DNAH7: variants seen among roughly 807,000 people sequenced by gnomAD.
DNAH7 encodes dynein axonemal heavy chain 7, also known as axonemal beta dynein heavy chain 7.
Under a neutral mutation model 444.6 loss-of-function variants are expected in DNAH7, and 397 were observed. The observed-to-expected ratio is 0.89, with a 90% CI of 0.82 to 0.97. DNAH7 has a LOEUF of 0.97. DNAH7 is among the 50% of genes least tolerant of loss of function. DNAH7 has a pLI of 0.00. For synonymous variants in DNAH7, 1,636 were observed against 1,624.4 expected, an observed-to-expected ratio of 1.01 and a Z score of -0.17; for missense variants, 4,902 against 4,800.8, an observed-to-expected ratio of 1.02 and a Z score of -0.62.
chr2:195,888,313 C>A lies in DNAH7; in HGVS notation c.5351G>T (p.Gly1784Val). Reference sequence around the variant, plus strand: ...AACAGGGACCATTCTGTCAAATAAGCCCATTATGAATTCCTTTTGAATAAC... The same window carrying A: ...AACAGGGACCATTCTGTCAAATAAGACCATTATGAATTCCTTTTGAATAAC... The part of the protein sequence containing the change: ...VSVIQKEFIM[G>V]LFDRMVPVSV... Residue 1784 changes from glycine (G) to valine (V), a missense_variant, in exon 33 of 65, where the codon GGC becomes GTC. Coordinates refer to ENST00000312428, the MANE Select transcript of DNAH7 (RefSeq NM_018897.3). 6.2e-7 allele frequency: 1 copy of A among 1,610,870 alleles called. No individual in the cohort carries two copies. Among genetic ancestry groups the A allele is most frequent in the Non-Finnish European group, 8.5e-7 (1 of 1,178,702 alleles).
At chr2:195,968,621 C>T (rs1681422952) in intron 17 of DNAH7, among the ~76,000 whole-genome samples, 2 of 152,074 alleles carry the variant, frequency 1.3e-5, no homozygotes, top group Non-Finnish European at 2.9e-5. Flanking sequence ...CCTCAGCCAC[C>T]CTGCATGGTG....
chr2:195,776,090 G>T, intron 59 of DNAH7, 107 bp from the exon 60 acceptor site: 2 of 1,353,544 alleles, frequency 1.5e-6, no homozygotes, highest in Non-Finnish European at 2.0e-6. Context: ...GACTGGATAG[G>T]CCTGTGACAC....
intron 19 of DNAH7, among the ~76,000 whole-genome samples, chr2:195,946,287 G>C (rs893068555): frequency 5.9e-5 from 9 of 152,114 alleles, no homozygotes; most frequent in Admixed American, 5.9e-4. Context: ...GAAATTAAAG[G>C]CTGAAGATTT....
chr2:195,739,634 A>G (rs1168721370), intron 64 of DNAH7, among the ~76,000 whole-genome samples: 2 of 152,256 alleles, frequency 1.3e-5, no homozygotes, highest in African/African-American at 4.8e-5. Context: ...TAAGAAAAAT[A>G]TAATGAACAC....
intron 12 of DNAH7, among the ~76,000 whole-genome samples, chr2:195,991,445 C>T (rs1229054580): frequency 3.3e-5 from 5 of 152,022 alleles, no homozygotes; most frequent in African/African-American, 4.8e-5. Flanking sequence ...TATACATAAA[C>T]AAAAGTGAAA....
chr2:195,827,958 TAA>T (rs1180698049), intron 48 of DNAH7, among the ~76,000 whole-genome samples: 1 of 152,152 alleles, frequency 6.6e-6, no homozygotes, highest in Admixed American at 6.5e-5. Context: ...TTTCTCAAAA[TAA>T]AGAGAATAGT....
chr2:195,920,899 G>A (rs749298980), intron 24 of DNAH7, among the ~76,000 whole-genome samples: 2 of 152,150 alleles, frequency 1.3e-5, no homozygotes, highest in African/African-American at 4.8e-5. Context: ...CAAAAAGTGG[G>A]TTATGGACAT....
At position 195,981,739 on chromosome 2, in the gene DNAH7, A is replaced by C. The variant is rs574432085; in HGVS notation, c.1833+2893T>G. On this transcript the variant is annotated intron_variant, in intron 15 of 64. Coordinates refer to ENST00000312428, the MANE Select transcript of DNAH7 (RefSeq NM_018897.3). ...AAGGACAGTCTCTTCAATAAATGGT[A>C]CTGGGCAAACTGGATATTCATATGC... 4.6e-5 allele frequency among the ~76,000 whole-genome samples: 7 copies of C among 152,312 alleles called. No homozygotes were observed. The East Asian group carries it at 1.3e-3, about 29-fold the overall frequency.
chr2:196,040,597 C>A (rs1696676846), intron 5 of DNAH7, among the ~76,000 whole-genome samples: 1 of 152,044 alleles, frequency 6.6e-6, no homozygotes, highest in African/African-American at 2.4e-5. Context: ...CCATATATGA[C>A]AAATCTGCAG....
chr2:195,861,660 C>G, intron 42 of DNAH7, 57 bp downstream of exon 42: 4 of 1,236,192 alleles, frequency 3.2e-6, no homozygotes, highest in Non-Finnish European at 4.6e-6. Flanking sequence ...CGTTTTTGCA[C>G]ACACAAGTAT....
intron 40 of DNAH7, among the ~76,000 whole-genome samples, chr2:195,867,440 T>C (rs143363352): frequency 1.8e-4 from 27 of 152,334 alleles, no homozygotes; most frequent in African/African-American, 5.3e-4. Context: ...ACTTTTAAAA[T>C]TGAGATATAA....
rs146778991 is a variant in DNAH7, at chr2:196,034,571, C to T, written c.399-6524G>A. ...GTAGAAATGCAAAAGACCTAAAACA[C>T]CCAAAATAATTTTGAAAAAGAATAA... On this transcript the variant is annotated intron_variant, in intron 5 of 64. Coordinates refer to ENST00000312428, the MANE Select transcript of DNAH7 (RefSeq NM_018897.3). Among the ~76,000 whole-genome samples the T allele has an allele frequency of 8.4e-3, 1,285 of 152,256 alleles. 19 individuals are homozygous for T. The highest frequency in any genetic ancestry group is 0.029 in the African/African-American group (1,198 of 41,548).
intron 27 of DNAH7, chr2:195,904,597 T>C (rs1431417611): frequency 2.0e-5 from 3 of 152,018 alleles, no homozygotes; most frequent in African/African-American, 7.3e-5. Context: ...TAGATAACAC[T>C]GGTAGCACTG....
At chr2:195,884,973 A>T (rs1701625797) in intron 34 of DNAH7, among the ~76,000 whole-genome samples, 164 bp from the exon 35 acceptor site, 1 of 152,228 alleles carries the variant, frequency 6.6e-6, no homozygotes, top group East Asian at 1.9e-4. Flanking sequence ...AAGGGTTTTT[A>T]AAAATCAAAT....
chr2:196,064,861 C>G (rs1342489114), intron 1 of DNAH7, among the ~76,000 whole-genome samples: 1 of 152,062 alleles, frequency 6.6e-6, no homozygotes, highest in African/African-American at 2.4e-5. Flanking sequence ...TCCAATGTTT[C>G]TCTATTACAA....
chr2:196,065,558 TTC>T (rs1698385512), intron 1 of DNAH7, among the ~76,000 whole-genome samples: 1 of 152,200 alleles, frequency 6.6e-6, no homozygotes, highest in Non-Finnish European at 1.5e-5. Flanking sequence ...GTGCCTTCAG[TTC>T]TCTGACTTCT....
At chr2:195,832,831 T>C (rs1698138778) in intron 48 of DNAH7, among the ~76,000 whole-genome samples, 1 of 152,212 alleles carries the variant, frequency 6.6e-6, no homozygotes, top group Non-Finnish European at 1.5e-5. Context: ...CCTTTCTTAT[T>C]ATATCATACT....
rs772876846 is a variant in DNAH7 at position 195,957,449 on chromosome 2, T to C, written c.2892-2A>G. The C allele has an allele frequency of 6.5e-7, 1 of 1,530,098 alleles. No individual in the cohort carries two copies. Among genetic ancestry groups the C allele is most frequent in the Non-Finnish European group, 8.9e-7 (1 of 1,126,842 alleles). The allele number at this position is 1,530,098 out of a possible 1,614,324, so 94.8% of individuals were successfully genotyped here. On this transcript the variant is annotated splice_acceptor_variant, in intron 18 of 64. Coordinates refer to ENST00000312428, the MANE Select transcript of DNAH7 (RefSeq NM_018897.3). LOFTEE classifies it high-confidence loss of function. ...AGTAGGAGCTTGCCCTCCCATTCTC[T>C]GAGGAGCAAAACACAGTGGCTCTTA...
chr2:195,959,624 T>C (rs1461971489), intron 18 of DNAH7, among the ~76,000 whole-genome samples: 2 of 152,188 alleles, frequency 1.3e-5, no homozygotes. Flanking sequence ...CTGAAGACAG[T>C]AGTCTGATTT....
Sources: allele counts gnomAD v4.1 joint callset (sites outside exome capture counted in the v4.1 genomes callset), GRCh38; gene constraint gnomAD v4.1.1; transcripts MANE v1.5; gene names NCBI Gene and HGNC (gene_info 2026-07-23, HGNC 2026-07-21).